KDM4C: variants seen among roughly 807,000 people sequenced by gnomAD.
KDM4C encodes the protein lysine-specific demethylase 4C.
In KDM4C, 81 loss-of-function variants were observed where a neutral mutation model predicts 129.3. The ratio of observed to expected loss-of-function variants is 0.63; its 90% CI spans 0.52 to 0.75. The LOEUF (loss-of-function observed/expected upper bound fraction) is 0.75. Ranked by LOEUF, KDM4C falls within the 30% of genes least tolerant of loss-of-function variation. The pLI is 0.00. For missense variants in KDM4C, 1,457 were observed against 1,304.0 expected (o/e 1.12, Z -1.81); for synonymous variants, 573 against 456.1 (o/e 1.26, Z -3.26).
Position 7,077,848 on chromosome 9 carries a change from A to G in KDM4C, c.2425-25837A>G, listed in dbSNP as rs1483189924. On this transcript the variant is annotated intron_variant, in intron 17 of 21. Coordinates refer to ENST00000381309, the MANE Select transcript of KDM4C (RefSeq NM_015061.6). ...TTCTGTATATTTGTCAAATAATGGC[A>G]TGTCTGAGCCATGGCAGGAAACACA... Among the ~76,000 whole-genome samples the G allele has an allele frequency of 3.3e-5, 5 of 152,196 alleles. No individual in the cohort carries two copies. The East Asian group carries it at 9.6e-4, about 29-fold the overall frequency.
intron 4 of KDM4C, among the ~76,000 whole-genome samples, chr9:6,821,267 C>T (rs1019709635): frequency 2.6e-5 from 4 of 152,168 alleles, no homozygotes; most frequent in African/African-American, 9.7e-5. Context: ...AATGATAATT[C>T]TAGTTCTAGA....
intron 12 of KDM4C, among the ~76,000 whole-genome samples, chr9:7,007,856 A>G (rs1821964607): frequency 6.6e-6 from 1 of 152,226 alleles, no homozygotes; most frequent in Admixed American, 6.5e-5. Context: ...AGTTACATTT[A>G]TTTTCATAAA....
At chr9:7,117,806 A>T (rs1192642933) in intron 18 of KDM4C, among the ~76,000 whole-genome samples, 1 of 152,136 alleles carries the variant, frequency 6.6e-6, no homozygotes, top group Non-Finnish European at 1.5e-5. Flanking sequence ...GAACTCACTG[A>T]TTCTCTAGCA....
At position 7,103,727 on chromosome 9, in the gene KDM4C, G is replaced by A; in HGVS notation, c.2467G>A (p.Ala823Thr). Reference protein sequence around the residue: ...CRHRVKRVSGACIQCSYGRCP... With the variant: ...CRHRVKRVSGTCIQCSYGRCP... ...ACACCGGGTTAAGAGGGTCTCTGGA[G>A]CCTGCATCCAGTGTTCCTACGGTCG... Residue 823 changes from alanine to threonine, a missense_variant, in exon 18 of 22, where the codon GCC becomes ACC. By Grantham distance (58) the Ala-to-Thr change is moderately conservative (BLOSUM62 0). Transcript: ENST00000381309. 6.2e-7 allele frequency: 1 copy of A among 1,613,978 alleles called. No individual in the cohort carries two copies. The highest frequency in any genetic ancestry group is 8.5e-7 in the Non-Finnish European group (1 of 1,179,930).
intron 21 of KDM4C, chr9:7,170,460 ATAG>A: frequency 1.0e-6 from 1 of 986,486 alleles, no homozygotes; most frequent in Non-Finnish European, 1.2e-6. Context: ...TAAAAAGGAA[ATAG>A]TAGTTTCATG....
At chr9:7,067,062 A>G (rs2132755054) in intron 17 of KDM4C, among the ~76,000 whole-genome samples, 1 of 152,366 alleles carries the variant, frequency 6.6e-6, no homozygotes, top group South Asian at 2.1e-4. Context: ...TTAGAAAATG[A>G]AGGAACCAGC....
rs371570682 is a variant in KDM4C at position 7,055,749 on chromosome 9, T to C, written c.2424+6549T>C. Among the ~76,000 whole-genome samples the C allele has an allele frequency of 6.6e-5, 10 of 152,270 alleles. No homozygotes were observed. The East Asian group carries it at 1.5e-3, about 23-fold the overall frequency. ...GCCAACTGACTCATGTTATCAGATATACTGAATACTAAAAATAGAATTATT... is the reference window on the plus strand; with the variant it reads ...GCCAACTGACTCATGTTATCAGATACACTGAATACTAAAAATAGAATTATT... On this transcript the variant is annotated intron_variant, in intron 17 of 21. Transcript: ENST00000381309.
At chr9:6,794,225 A>G (rs537288238) in intron 2 of KDM4C, among the ~76,000 whole-genome samples, 134 of 152,356 alleles carry the variant, frequency 8.8e-4, no homozygotes, top group African/African-American at 3.1e-3. Context: ...TCCTGCCCCC[A>G]TGGAGCTTAC....
chr9:6,857,178 G>C (rs1326905653), intron 5 of KDM4C, among the ~76,000 whole-genome samples: 1 of 152,116 alleles, frequency 6.6e-6, no homozygotes, highest in East Asian at 1.9e-4. Flanking sequence ...TTCAAAGATA[G>C]TATTGTTACT....
intron 13 of KDM4C, 120 bp from the exon 14 acceptor site, chr9:7,013,668 C>G (rs1040636344): frequency 3.3e-6 from 3 of 905,106 alleles, no homozygotes; most frequent in African/African-American, 1.7e-5. Context: ...TCAAGGAGAA[C>G]AACAGGAAGA....
intron 8 of KDM4C, among the ~76,000 whole-genome samples, chr9:6,918,749 G>C (rs1271597384): frequency 6.6e-6 from 1 of 152,062 alleles, no homozygotes; most frequent in African/African-American, 2.4e-5. Context: ...TTGTGGTTTT[G>C]ATTTGCATTT....
intron 1 of KDM4C, among the ~76,000 whole-genome samples, chr9:6,737,808 C>G (rs1001890053): frequency 6.6e-6 from 1 of 152,008 alleles, no homozygotes; most frequent in African/African-American, 2.4e-5. Context: ...CAAACTCACA[C>G]CAGTCAGAAT....
chr9:6,761,972 G>A (rs1027160598), intron 1 of KDM4C, among the ~76,000 whole-genome samples: 1 of 151,600 alleles, frequency 6.6e-6, no homozygotes, highest in East Asian at 1.9e-4. Context: ...AATTTTTTTC[G>A]TATTTTTAGT....
chr9:6,834,958 A>G, intron 4 of KDM4C: 2 of 1,027,512 alleles, frequency 1.9e-6, no homozygotes, highest in East Asian at 2.4e-5. Flanking sequence ...TCTGCGAGGG[A>G]TATGCCCTCC....
At chr9:7,084,596 A>G (rs1834904348) in intron 17 of KDM4C, among the ~76,000 whole-genome samples, 1 of 152,198 alleles carries the variant, frequency 6.6e-6, no homozygotes, top group Non-Finnish European at 1.5e-5. Flanking sequence ...TACATTGTAT[A>G]TATTTTAAAC....
chr9:6,760,987 TCC>T (rs1172969774), intron 1 of KDM4C, among the ~76,000 whole-genome samples: 1 of 150,634 alleles, frequency 6.6e-6, no homozygotes, highest in Non-Finnish European at 1.5e-5. Context: ...TGCTGTGTTT[TCC>T]TTTCCTGGAT....
chr9:7,171,361 G>A (rs1844942881), intron 21 of KDM4C, among the ~76,000 whole-genome samples: 1 of 152,090 alleles, frequency 6.6e-6, no homozygotes, highest in African/African-American at 2.4e-5. Context: ...ATGACTTGTC[G>A]CTGTTCTGAG....
At chr9:7,160,769 T>A in intron 19 of KDM4C, among the ~76,000 whole-genome samples, 1 of 152,182 alleles carries the variant, frequency 6.6e-6, no homozygotes, top group East Asian at 1.9e-4. Context: ...TGTCTCCCAG[T>A]TAGGCTACAT....
At chr9:7,174,024 A>G (rs1845212675) in intron 21 of KDM4C, among the ~76,000 whole-genome samples, 2 of 152,236 alleles carry the variant, frequency 1.3e-5, no homozygotes, top group African/African-American at 2.4e-5. Flanking sequence ...GAGCAGCCAG[A>G]GAAGGAGAAG....
Sources: allele counts gnomAD v4.1 joint callset (sites outside exome capture counted in the v4.1 genomes callset), GRCh38; gene constraint gnomAD v4.1.1; transcripts MANE v1.5; gene names NCBI Gene and HGNC (gene_info 2026-07-23, HGNC 2026-07-21).